Variants in SPATA18 observed in about 807,000 individuals in gnomAD.
The protein encoded by SPATA18 is spermatogenesis associated 18.
A neutral mutation model predicts 68.1 loss-of-function variants in SPATA18; 54 were observed. The ratio of observed to expected loss-of-function variants is 0.79; its 90% confidence interval spans 0.64 to 0.99. The LOEUF (loss-of-function observed/expected upper bound fraction) is 0.99, where lower values mean the gene tolerates loss of function less well. Ranked by LOEUF, SPATA18 falls within the 50% of genes least tolerant of loss-of-function variation. The probability of loss-of-function intolerance (pLI) is 0.00; values close to 1 mark genes in which losing one functional copy is unlikely to be tolerated. For synonymous variants in SPATA18, 242 were observed against 244.8 expected (o/e 0.99, Z 0.11); for missense variants, 724 against 681.1 (o/e 1.06, Z -0.70).
chr4:52,053,759 C>T (rs962958121), intron 1 of SPATA18, among the ~76,000 whole-genome samples: 1 of 152,192 alleles, frequency 6.6e-6, no homozygotes, highest in Admixed American at 6.5e-5. Context: ...GGAATCTAAA[C>T]ACTTTTCACC....
At chr4:52,091,575 C>A (rs1741958427) in intron 11 of SPATA18, among the ~76,000 whole-genome samples, 1 of 152,208 alleles carries the variant, frequency 6.6e-6, no homozygotes, top group Admixed American at 6.5e-5. Flanking sequence ...ACTCCCAACC[C>A]TGTTTGCCTG....
chr4:52,070,265 G>T (rs1436658336), intron 5 of SPATA18, among the ~76,000 whole-genome samples: 1 of 151,898 alleles, frequency 6.6e-6, no homozygotes, highest in Admixed American at 6.6e-5. Flanking sequence ...ACCTGACATT[G>T]TTTTCTCTAT....
Position 52,094,937 on chromosome 4 carries a change from T to C in SPATA18, c.*50T>C. The stretch of plus-strand genomic sequence containing the variant: ...CCAGTGCGTGGAAACAGCTGCTTTC[T>C]CCAGTGCCGCCATCTGTCTTCTGTG... On this transcript the variant is annotated 3_prime_UTR_variant, in exon 13 of 13. Transcript: ENST00000295213. 6.2e-7 allele frequency: 1 copy of C among 1,612,278 alleles called. No homozygotes were observed. Among genetic ancestry groups the C allele is most frequent in the Non-Finnish European group, 8.5e-7 (1 of 1,178,374 alleles).
chr4:52,077,256 C>A (rs542824399), intron 7 of SPATA18, among the ~76,000 whole-genome samples: 14 of 145,728 alleles, frequency 9.6e-5, no homozygotes, highest in Non-Finnish European at 1.7e-4. Context: ...CCCTCCATCC[C>A]TCCCTCCCTC....
rs1738936185 is a variant in SPATA18 at position 52,062,289 on chromosome 4, A to C, written c.379A>C (p.Asn127His). 6.2e-7 allele frequency: 1 copy of C among 1,611,060 alleles called. No individual in the cohort carries two copies. ...TCGGGATATGCAACAGTTAGACTCT[A>C]ATTTGAACTCAACCCGGAGTCAATG... ...RDRDMQQLDS[N>H]LNSTRSQCNQ... Residue 127 changes from asparagine to histidine, a missense_variant, in exon 4 of 13, where the codon AAT becomes CAT. Coordinates refer to ENST00000295213, the MANE Select transcript of SPATA18 (RefSeq NM_145263.4).
chr4:52,079,928 C>T lies in SPATA18; in HGVS notation c.1355+9C>T, dbSNP rs1277062639. The T allele has an allele frequency of 1.2e-6, 2 of 1,608,866 alleles. No individual in the cohort carries two copies. The highest frequency in any genetic ancestry group is 3.4e-5 in the Admixed American group (2 of 59,214). On this transcript the variant is annotated intron_variant, in intron 9 of 12. Transcript: ENST00000295213. The stretch of plus-strand genomic sequence containing the variant: ...GTTTTTAATGATTGCAAGTAAGAGA[C>T]ACAGGAGCAGAAGCTAAGGGATTTA...
intron 7 of SPATA18, among the ~76,000 whole-genome samples, chr4:52,077,639 G>A (rs897590864): frequency 2.6e-5 from 4 of 152,114 alleles, no homozygotes; most frequent in African/African-American, 4.8e-5. Flanking sequence ...TGTCTAATAT[G>A]AGCATATGCA....
intron 8 of SPATA18, among the ~76,000 whole-genome samples, chr4:52,079,113 G>T (rs2109489663): frequency 6.6e-6 from 1 of 152,278 alleles, no homozygotes; most frequent in South Asian, 2.1e-4. Flanking sequence ...CTTTAGATAG[G>T]CTGTTATGAT....
chr4:52,062,354 T>G (rs1280378935), intron 4 of SPATA18, 22 bp downstream of exon 4: 1 of 1,479,580 alleles, frequency 6.8e-7, no homozygotes, highest in South Asian at 1.2e-5. Flanking sequence ...GCAAGTTATC[T>G]TTTTCCAAAA....
Position 52,079,892 on chromosome 4 carries a change from C to T in SPATA18, c.1328C>T (p.Ala443Val). The stretch of plus-strand genomic sequence containing the variant: ...CCACCCCTAGATATTGCATATGGAG[C>T]AGATGGAGAAGTTTTTAATGATTGC... ...LEPPLDIAYG[A>V]DGEVFNDCKY... Residue 443 changes from alanine (A) to valine (V), a missense_variant, in exon 9 of 13, where the codon GCA becomes GTA. By Grantham distance (64) the Ala-to-Val change is moderately conservative. Transcript: ENST00000295213. 1 of 1,613,136 alleles carries T rather than the reference C, an allele frequency of 6.2e-7. No individual in the cohort carries two copies. Among genetic ancestry groups the T allele is most frequent in the Non-Finnish European group, 8.5e-7 (1 of 1,179,590 alleles).
intron 11 of SPATA18, among the ~76,000 whole-genome samples, chr4:52,087,838 T>C (rs991319719): frequency 1.3e-5 from 2 of 152,194 alleles, no homozygotes; most frequent in East Asian, 3.9e-4. Flanking sequence ...GAGATAGCAT[T>C]GAATCTATAA....
chr4:52,052,220 C>G (rs932974752), intron 1 of SPATA18, among the ~76,000 whole-genome samples: 1 of 152,198 alleles, frequency 6.6e-6, no homozygotes, highest in Non-Finnish European at 1.5e-5. Context: ...CCCTCTCCTG[C>G]CCAGGGTTTG....
chr4:52,052,086 C>CT (rs1014543065), intron 1 of SPATA18, among the ~76,000 whole-genome samples: 37 of 152,200 alleles, frequency 2.4e-4, no homozygotes, highest in Admixed American at 2.0e-4. Context: ...CGCCGGCGAC[C>CT]TAGCAATAGG....
chr4:52,090,576 A>C (rs1240039648), intron 11 of SPATA18, among the ~76,000 whole-genome samples: 2 of 152,144 alleles, frequency 1.3e-5, no homozygotes, highest in Non-Finnish European at 2.9e-5. Flanking sequence ...CTGGGTTAAA[A>C]ATTCTTTTCT....
intron 4 of SPATA18, among the ~76,000 whole-genome samples, chr4:52,065,738 G>A (rs943370982): frequency 2.6e-5 from 4 of 152,140 alleles, no homozygotes. Flanking sequence ...CACCCAAGGA[G>A]GTTCCCTATG....
At position 52,057,733 on chromosome 4, in the gene SPATA18, G is replaced by A. The variant is rs192906924; in HGVS notation, c.88-2686G>A. On this transcript the variant is annotated intron_variant, in intron 1 of 12. Coordinates refer to ENST00000295213, the MANE Select transcript of SPATA18 (RefSeq NM_145263.4). ...AGTTGAGAACCAGATTTGAACAAAG[G>A]TCTGCCTTATTCCTAAGCCACTGGC... 6.6e-5 allele frequency among the ~76,000 whole-genome samples: 10 copies of A among 152,288 alleles called. No homozygotes were observed. In the East Asian group the frequency reaches 1.9e-3, roughly 29 times the overall value.
intron 5 of SPATA18, 144 bp from the exon 6 acceptor site, chr4:52,071,773 T>G: frequency 2.5e-6 from 2 of 807,768 alleles, no homozygotes; most frequent in Non-Finnish European, 1.9e-6. Flanking sequence ...TGTATTTCCA[T>G]CAGAGTTTCC....
At chr4:52,080,109 C>G (rs77279816) in intron 9 of SPATA18, among the ~76,000 whole-genome samples, 190 bp downstream of exon 9, 2,368 of 152,286 alleles carry the variant, frequency 0.016, 28 homozygotes, top group Non-Finnish European at 0.023. Context: ...TTCCATTGAA[C>G]ATATTGGTCT....
chr4:52,067,288 A>T (rs1455081669), intron 4 of SPATA18, among the ~76,000 whole-genome samples: 1 of 152,206 alleles, frequency 6.6e-6, no homozygotes, highest in African/African-American at 2.4e-5. Context: ...TGTGGGTCAC[A>T]TAAATGTCTT....
Sources: allele counts gnomAD v4.1 joint callset (sites outside exome capture counted in the v4.1 genomes callset), GRCh38; gene constraint gnomAD v4.1.1; transcripts MANE v1.5; gene names NCBI Gene and HGNC (gene_info 2026-07-23, HGNC 2026-07-21).